Variants in WDR41 observed in about 807,000 individuals in gnomAD.
WDR41 encodes WD repeat-containing protein 41.
Under a neutral mutation model 69.3 loss-of-function variants are expected in WDR41, and 63 were observed. The ratio of observed to expected loss-of-function variants is 0.91; its 90% CI spans 0.74 to 1.12. The LOEUF (loss-of-function observed/expected upper bound fraction) is 1.12, where lower values mean the gene tolerates loss of function less well. Ranked by LOEUF, WDR41 falls within the 50% of genes most tolerant of loss-of-function variation. The probability of loss-of-function intolerance (pLI) is 0.00; values close to 1 mark genes in which losing one functional copy is unlikely to be tolerated. For missense variants in WDR41, 543 were observed against 534.5 expected, an observed-to-expected ratio of 1.02 and a Z score of -0.16; for synonymous variants, 185 against 192.1, an observed-to-expected ratio of 0.96 and a Z score of 0.31.
Position 77,464,832 on chromosome 5 carries a change from G to GAA in WDR41, c.168-25_168-24dup, listed in dbSNP as rs11433376. ...AATCTGGTTAGGGAGAAAGGGTCAA[G>GAA]AAAAAAAAATCACTGGTGACATTTA... On this transcript the variant is annotated intron_variant, in intron 2 of 12. Transcript: ENST00000296679. 1,518 of 1,558,896 alleles carry GAA rather than the reference G, an allele frequency of 9.7e-4. 1 individual carries two copies. The highest frequency in any genetic ancestry group is 1.0e-3 in the Non-Finnish European group (1,179 of 1,139,760).
At chr5:77,494,743 A>C (rs1447819972), upstream of WDR41, among the ~76,000 whole-genome samples, 2 of 152,174 alleles carry the variant, frequency 1.3e-5, no homozygotes, top group Non-Finnish European at 2.9e-5. Context: ...TTTCAATAAT[A>C]GATAGAACAA....
At chr5:77,527,190 A>G (rs1802461870) in intron 1 of WDR41, among the ~76,000 whole-genome samples, 1 of 151,974 alleles carries the variant, frequency 6.6e-6, no homozygotes. Context: ...TACTCTAGTG[A>G]AAACATAGAC....
intron 8 of WDR41, among the ~76,000 whole-genome samples, chr5:77,449,219 A>G (rs1165787212): frequency 7.0e-6 from 1 of 142,218 alleles, no homozygotes; most frequent in Non-Finnish European, 1.5e-5. Context: ...TAGGATGTAC[A>G]GCAGGTCAAA....
intron 1 of WDR41, among the ~76,000 whole-genome samples, chr5:77,501,734 G>A (rs1215997437): frequency 1.3e-5 from 2 of 152,066 alleles, no homozygotes; most frequent in Admixed American, 1.3e-4. Context: ...GTGATACCAA[G>A]GCAAACAGGG....
chr5:77,461,143 A>AT (rs1800033376), intron 4 of WDR41, among the ~76,000 whole-genome samples: 1 of 152,126 alleles, frequency 6.6e-6, no homozygotes, highest in African/African-American at 2.4e-5. Context: ...TTTAAATTCT[A>AT]TTTTTGCAAA....
intron 1 of WDR41, among the ~76,000 whole-genome samples, chr5:77,557,769 T>C (rs1000710592): frequency 2.0e-5 from 3 of 152,102 alleles, no homozygotes; most frequent in Non-Finnish European, 4.4e-5. Context: ...ACACTATTCA[T>C]AATAGAGAAC....
At chr5:77,492,489 GGC>G, upstream of WDR41, 1 of 418,302 alleles carries the variant, frequency 2.4e-6, no homozygotes, top group Non-Finnish European at 4.2e-6. Context: ...GCGATTGCGG[GGC>G]GCGCGCTGCT....
At chr5:77,546,035 G>C (rs1391707933) in intron 1 of WDR41, 1 of 549,428 alleles carries the variant, frequency 1.8e-6, no homozygotes, top group Non-Finnish European at 3.1e-6. Context: ...GCTGATGATG[G>C]CTGGTATTGA....
At position 77,619,809 on chromosome 5, in the gene WDR41, C is replaced by T. The variant is rs536313827; in HGVS notation, c.42+670G>A. Among the ~76,000 whole-genome samples the T allele has an allele frequency of 3.3e-5, 5 of 152,166 alleles. No homozygotes were observed. In the South Asian group the frequency reaches 1.0e-3, roughly 32 times the overall value. On this transcript the variant is annotated intron_variant, in intron 1 of 5. Transcript: ENST00000509971. The stretch of plus-strand genomic sequence containing the variant: ...CTGGAAAGCCAGGAAACAGAGGTGA[C>T]TTCGGAGCCCAGGGCTTCGCATAGG...
intron 8 of WDR41, among the ~76,000 whole-genome samples, chr5:77,442,099 T>C (rs1229848045): frequency 1.3e-5 from 2 of 152,202 alleles, no homozygotes; most frequent in African/African-American, 4.8e-5. Flanking sequence ...TGCCCTACTA[T>C]ACATTAGTAT....
In WDR41 at chr5:77,501,397, C is replaced by T. The variant is rs186189378; in HGVS notation, c.43-11825G>A. Among the ~76,000 whole-genome samples, 1,050 of 152,348 alleles carry T rather than the reference C, an allele frequency of 6.9e-3. 6 individuals are homozygous for T. The highest frequency in any genetic ancestry group is 0.024 in the African/African-American group (988 of 41,582). On this transcript the variant is annotated intron_variant, in intron 1 of 5. Coordinates refer to the WDR41 transcript ENST00000509971. ...GAAGCTCGAACTGGGCAGAGCCCGCCGCAGCTCAGCAAGGCCTACTGCCTC... is the reference window on the plus strand; with the variant it reads ...GAAGCTCGAACTGGGCAGAGCCCGCTGCAGCTCAGCAAGGCCTACTGCCTC...
rs1351672391 is a variant in WDR41 at position 77,489,570 on chromosome 5, T to C, written c.54A>G (p.Lys18=). ...GGREPQGLAE[K]SPLQTIGEEQ... ...CTTCACCTATTGTCTGTAAAGGAGA[T>C]TTCTTGTATTGAAAAAAAAAAAAAA... The change falls in exon 2 of 13, where the codon AAA becomes AAG. Residue 18 remains lysine (K), a splice_region_variant and synonymous_variant. Transcript: ENST00000296679. 3 of 1,531,050 alleles carry C rather than the reference T, an allele frequency of 2.0e-6. No individual in the cohort carries two copies. Among genetic ancestry groups the C allele is most frequent in the Non-Finnish European group, 2.6e-6 (3 of 1,150,190 alleles). 94.8% of individuals were successfully genotyped at this position (1,531,050 alleles called of 1,614,324 possible). A position where few individuals can be genotyped will look rare whatever the true frequency, so the allele number is the denominator to read the frequency against.
In WDR41 at chr5:77,463,173, A is replaced by C; in HGVS notation, c.270T>G (p.Ile90Met). 1 of 1,612,810 alleles carries C rather than the reference A, an allele frequency of 6.2e-7. No homozygotes were observed. Among genetic ancestry groups the C allele is most frequent in the South Asian group, 1.1e-5 (1 of 90,960 alleles). The change falls in exon 4 of 13, where the codon ATT becomes ATG. Residue 90 changes from isoleucine to methionine, a missense_variant. Physicochemically the swap from Ile to Met is conservative, Grantham distance 10. Transcript: ENST00000296679. ...AAGATTCCAAGGAAGGAAATGTAAT[A>C]ATAGCTGTTATCTTTTGAGTGTGTC... is the stretch of plus-strand genomic sequence containing the variant. ...LNGHTQKITAIITFPSLESCE... is the reference protein window; with the variant it reads ...LNGHTQKITAMITFPSLESCE...
chr5:77,537,669 C>G (rs1743012666), intron 1 of WDR41, among the ~76,000 whole-genome samples: 1 of 152,062 alleles, frequency 6.6e-6, no homozygotes, highest in Non-Finnish European at 1.5e-5. Flanking sequence ...TAAAGATATG[C>G]TCACAGTGGA....
chr5:77,582,752 A>G, intron 1 of WDR41: 1 of 1,595,332 alleles, frequency 6.3e-7, no homozygotes, highest in Admixed American at 1.7e-5. Context: ...GTGAAGCTCA[A>G]CAAGGCTTCG....
At chr5:77,554,615 AT>A (rs1167736811) in intron 1 of WDR41, among the ~76,000 whole-genome samples, 2 of 149,130 alleles carry the variant, frequency 1.3e-5, no homozygotes, top group Non-Finnish European at 3.0e-5. Flanking sequence ...TATAATATAA[AT>A]TTTTTATAAT....
At chr5:77,555,203 C>T (rs966945968) in intron 1 of WDR41, among the ~76,000 whole-genome samples, 3 of 152,074 alleles carry the variant, frequency 2.0e-5, no homozygotes, top group Non-Finnish European at 2.9e-5. Flanking sequence ...TAATACTATG[C>T]TATTATTTTC....
At chr5:77,442,134 T>C (rs1799190017) in intron 8 of WDR41, among the ~76,000 whole-genome samples, 1 of 152,196 alleles carries the variant, frequency 6.6e-6, no homozygotes, top group Admixed American at 6.5e-5. Flanking sequence ...AATTTGCTAA[T>C]ATGTATCAAA....
intron 1 of WDR41, among the ~76,000 whole-genome samples, chr5:77,507,529 T>A (rs1366279774): frequency 6.6e-6 from 1 of 152,230 alleles, no homozygotes; most frequent in South Asian, 2.1e-4. Flanking sequence ...AGCCTTCACA[T>A]GAAACTTTCC....
Sources: allele counts gnomAD v4.1 joint callset (sites outside exome capture counted in the v4.1 genomes callset), GRCh38; gene constraint gnomAD v4.1.1; transcripts MANE v1.5; gene names NCBI Gene and HGNC (gene_info 2026-07-23, HGNC 2026-07-21).